CALN1: variants seen among roughly 807,000 people sequenced by gnomAD.
CALN1 encodes the protein calneuron 1, also known as calcium-binding protein 8.
A neutral mutation model predicts 30.6 loss-of-function variants in CALN1; 17 were observed. The ratio of observed to expected loss-of-function variants is 0.56; its 90% CI spans 0.38 to 0.83. The LOEUF (loss-of-function observed/expected upper bound fraction) is 0.83. Ranked by LOEUF, CALN1 falls within the 40% of genes least tolerant of loss-of-function variation. The pLI, the probability that CALN1 is intolerant of heterozygous loss-of-function variation, is 0.00. For missense variants in CALN1, 291 were observed against 354.9 expected, an observed-to-expected ratio of 0.82 and a Z score of 1.45; for synonymous variants, 156 against 131.4, an observed-to-expected ratio of 1.19 and a Z score of -1.28.
Position 72,296,513 on chromosome 7 carries a change from A to C in CALN1, c.120-17703T>G, listed in dbSNP as rs1798872066. Reference sequence around the variant, plus strand: ...GTCCTGGACTCCTTTTGGTTGGTAAACTATTGATTATTGCCACAATTTCAG... The same window carrying C: ...GTCCTGGACTCCTTTTGGTTGGTAACCTATTGATTATTGCCACAATTTCAG... On this transcript the variant is annotated intron_variant, in intron 2 of 6. Coordinates refer to ENST00000395275, the MANE Select transcript of CALN1 (RefSeq NM_031468.4). Among the ~76,000 whole-genome samples the C allele has an allele frequency of 2.0e-5, 3 of 151,394 alleles. No homozygotes were observed. The South Asian group carries it at 6.3e-4, about 32-fold the overall frequency.
intron 3 of CALN1, among the ~76,000 whole-genome samples, chr7:72,128,307 A>G (rs938741471): frequency 6.6e-6 from 1 of 152,220 alleles, no homozygotes; most frequent in Non-Finnish European, 1.5e-5. Context: ...AATTTAGTAT[A>G]TAACGAGTGA....
At chr7:71,844,237 C>G (rs1790109001) in intron 5 of CALN1, among the ~76,000 whole-genome samples, 1 of 152,082 alleles carries the variant, frequency 6.6e-6, no homozygotes, top group Non-Finnish European at 1.5e-5. Flanking sequence ...CATCAGATGC[C>G]CCTGCCATCA....
intron 2 of CALN1, among the ~76,000 whole-genome samples, chr7:72,326,305 T>C (rs1424328052): frequency 1.3e-5 from 2 of 152,216 alleles, no homozygotes; most frequent in Admixed American, 1.3e-4. Context: ...AGGCTTTAGC[T>C]AGTGGGTTAC....
chr7:72,184,208 T>C (rs1042159243), intron 3 of CALN1, among the ~76,000 whole-genome samples: 2 of 152,224 alleles, frequency 1.3e-5, no homozygotes, highest in Non-Finnish European at 2.9e-5. Flanking sequence ...TTCGAATACG[T>C]TGACATATCT....
At chr7:71,962,613 AGACT>A (rs1379479631) in intron 5 of CALN1, among the ~76,000 whole-genome samples, 5 of 152,224 alleles carry the variant, frequency 3.3e-5, no homozygotes, top group Non-Finnish European at 5.9e-5. Flanking sequence ...AGAAAGTGTG[AGACT>A]GACTAAGAAG....
intron 5 of CALN1, among the ~76,000 whole-genome samples, chr7:71,990,757 C>T (rs1014852892): frequency 1.3e-5 from 2 of 152,012 alleles, no homozygotes; most frequent in Non-Finnish European, 2.9e-5. Flanking sequence ...CCAGCCTATT[C>T]CCTTACTTTC....
chr7:72,211,958 A>C (rs770904404), intron 3 of CALN1, among the ~76,000 whole-genome samples: 1 of 152,206 alleles, frequency 6.6e-6, no homozygotes, highest in Non-Finnish European at 1.5e-5. Context: ...TGTAAGACTT[A>C]AGACCCGACT....
intron 3 of CALN1, among the ~76,000 whole-genome samples, chr7:72,162,010 T>C (rs1422469202): frequency 6.7e-6 from 1 of 150,070 alleles, no homozygotes; most frequent in Non-Finnish European, 1.5e-5. Flanking sequence ...TATATATATA[T>C]TATATATATA....
In CALN1 at chr7:72,099,364, A is replaced by G. The variant is rs1022092412; in HGVS notation, c.388+6787T>C. On this transcript the variant is annotated intron_variant, in intron 4 of 6. Coordinates refer to ENST00000395275, the MANE Select transcript of CALN1 (RefSeq NM_031468.4). ...CTAATAAACATCACTGCCATTCCAC[A>G]TGTTCCACACCAAAGAGAAACTTAA... 9.4e-5 allele frequency among the ~76,000 whole-genome samples: 14 copies of G among 149,604 alleles called. No homozygotes were observed. In the East Asian group the frequency reaches 2.6e-3, roughly 27 times the overall value.
chr7:72,205,959 T>A (rs1387070486), intron 3 of CALN1, among the ~76,000 whole-genome samples: 1 of 152,166 alleles, frequency 6.6e-6, no homozygotes, highest in Non-Finnish European at 1.5e-5. Flanking sequence ...TTTTGCCATA[T>A]ACTAGCCAAA....
chr7:72,182,887 G>A (rs1789920246), intron 3 of CALN1, among the ~76,000 whole-genome samples: 1 of 152,148 alleles, frequency 6.6e-6, no homozygotes, highest in Admixed American at 6.5e-5. Context: ...GTGGCCGGAA[G>A]ACAGAATATG....
chr7:72,308,661 A>G (rs1052144346), intron 2 of CALN1, among the ~76,000 whole-genome samples: 21 of 151,418 alleles, frequency 1.4e-4, no homozygotes, highest in Admixed American at 1.3e-3. Context: ...CTTCTGATGA[A>G]CTCACACTCT....
upstream of CALN1, among the ~76,000 whole-genome samples, chr7:72,448,718 G>T (rs1260675242): frequency 6.6e-6 from 1 of 151,818 alleles, no homozygotes; most frequent in Non-Finnish European, 1.5e-5. Flanking sequence ...CAGTTCTCCT[G>T]CCTCGGCCTC....
intron 5 of CALN1, among the ~76,000 whole-genome samples, chr7:72,011,707 A>C (rs1460029440): frequency 6.6e-6 from 1 of 151,820 alleles, no homozygotes; most frequent in Non-Finnish European, 1.5e-5. Flanking sequence ...AGAGAGTCTC[A>C]CTCTGACACC....
the CALN1 span, among the ~76,000 whole-genome samples, chr7:72,475,941 C>CTTTTTTT: frequency 5.3e-5 from 4 of 75,848 alleles, no homozygotes; most frequent in Admixed American, 1.7e-4. Flanking sequence ...CTCTCTCTCT[C>CTTTTTTT]TTTTTTTTTT....
chr7:72,363,502 G>A (rs149352682), intron 2 of CALN1, among the ~76,000 whole-genome samples: 2,062 of 152,154 alleles, frequency 0.014, 59 homozygotes, highest in African/African-American at 0.047. Flanking sequence ...GCTGCCCATA[G>A]TGTTGGGATT....
chr7:72,099,081 T>C, intron 4 of CALN1, among the ~76,000 whole-genome samples: 1 of 152,066 alleles, frequency 6.6e-6, no homozygotes, highest in East Asian at 1.9e-4. Flanking sequence ...AGGTATGACC[T>C]CACTGTCGGG....
At chr7:72,117,966 A>AC (rs1808109254) in intron 3 of CALN1, among the ~76,000 whole-genome samples, 2 of 151,494 alleles carry the variant, frequency 1.3e-5, no homozygotes, top group African/African-American at 4.9e-5. Flanking sequence ...TCAAAAAAAA[A>AC]AAAGAAAAAA....
chr7:72,479,747 C>T, the CALN1 span, among the ~76,000 whole-genome samples: 2 of 152,092 alleles, frequency 1.3e-5, no homozygotes, highest in South Asian at 4.2e-4. Context: ...GATGGGGTTT[C>T]GTCATGTTGG....
Sources: allele counts gnomAD v4.1 joint callset (sites outside exome capture counted in the v4.1 genomes callset), GRCh38; gene constraint gnomAD v4.1.1; transcripts MANE v1.5; gene names NCBI Gene and HGNC (gene_info 2026-07-23, HGNC 2026-07-21).